The following KCND3 variants were observed in gnomAD, a reference collection of about 807,000 sequenced individuals.
KCND3 encodes potassium voltage-gated channel subfamily D member 3.
In KCND3, 9 loss-of-function variants were observed where a neutral mutation model predicts 51.1. The ratio of observed to expected loss-of-function variants is 0.18; its 90% CI spans 0.11 to 0.31. KCND3 has a LOEUF of 0.31. KCND3 is among the 10% of genes least tolerant of loss of function. The pLI is 1.00. For synonymous variants in KCND3, 349 were observed against 368.0 expected, an observed-to-expected ratio of 0.95 and a Z score of 0.59; for missense variants, 526 against 903.8, an observed-to-expected ratio of 0.58 and a Z score of 5.36.
At chr1:111,978,794 T>C (rs773690332) in intron 2 of KCND3, among the ~76,000 whole-genome samples, 6 of 152,118 alleles carry the variant, frequency 3.9e-5, no homozygotes, top group Non-Finnish European at 7.3e-5. Flanking sequence ...GGACTGAGAA[T>C]AGTATCAGGT....
intron 2 of KCND3, among the ~76,000 whole-genome samples, chr1:111,874,753 C>T (rs506768): frequency 0.047 from 7,125 of 152,218 alleles, 568 homozygotes; most frequent in African/African-American, 0.16. Context: ...GACACACACG[C>T]CTTTTCTTCT....
chr1:111,801,070 TC>T (rs1287052242), intron 2 of KCND3, among the ~76,000 whole-genome samples: 1 of 152,186 alleles, frequency 6.6e-6, no homozygotes, highest in Non-Finnish European at 1.5e-5. Context: ...AAAAGCCTTC[TC>T]CCCGGGGCTG....
intron 2 of KCND3, among the ~76,000 whole-genome samples, chr1:111,965,033 C>T (rs762210283): frequency 4.6e-5 from 7 of 152,164 alleles, no homozygotes; most frequent in African/African-American, 4.8e-5. Flanking sequence ...AGATTCGAAA[C>T]AGCATCTGCA....
chr1:111,918,313 G>A (rs1571848849), intron 2 of KCND3, among the ~76,000 whole-genome samples: 2 of 152,234 alleles, frequency 1.3e-5, no homozygotes, highest in African/African-American at 4.8e-5. Context: ...GGTGAGTGTA[G>A]GAGCAGAGCT....
chr1:111,866,123 T>C (rs1668553480), intron 2 of KCND3, among the ~76,000 whole-genome samples: 1 of 152,146 alleles, frequency 6.6e-6, no homozygotes, highest in Non-Finnish European at 1.5e-5. Context: ...AGTAGATTAT[T>C]TTTTAAGAGC....
rs931657073 is a variant in KCND3 at position 111,774,220 on chromosome 1, G to C, written c.*1857C>G. 4.6e-5 allele frequency: 7 copies of C among 152,270 alleles called. No individual in the cohort carries two copies. Among genetic ancestry groups the C allele is most frequent in the Non-Finnish European group, 7.3e-5 (5 of 68,106 alleles). 9.4% of individuals were successfully genotyped at this position (152,270 alleles called of 1,614,324 possible). A position where few individuals can be genotyped will look rare whatever the true frequency, so the allele number is the denominator to read the frequency against. On this transcript the variant is annotated 3_prime_UTR_variant, in exon 8 of 8. Coordinates refer to ENST00000302127, the MANE Select transcript of KCND3 (RefSeq NM_001378969.1). Reference sequence around the variant, plus strand: ...GGGAAGCCCACGAAGGGTGTTTTTAGGTTCCTGGCTAGTAAAACTCATTTA... The same window carrying C: ...GGGAAGCCCACGAAGGGTGTTTTTACGTTCCTGGCTAGTAAAACTCATTTA...
intron 2 of KCND3, among the ~76,000 whole-genome samples, chr1:111,815,144 C>A (rs917636240): frequency 2.0e-5 from 3 of 152,036 alleles, no homozygotes; most frequent in African/African-American, 4.8e-5. Context: ...GGTGGTAGAA[C>A]CTGGACTAGA....
chr1:111,777,355 GTC>G (rs1172287856), intron 6 of KCND3, 82 bp from the exon 7 acceptor site: 1 of 1,475,854 alleles, frequency 6.8e-7, no homozygotes, highest in East Asian at 2.3e-5. Flanking sequence ...ATGGCTGCCT[GTC>G]TCTGTTCTGG....
chr1:111,943,930 C>T (rs1386945964), intron 2 of KCND3, among the ~76,000 whole-genome samples: 2 of 152,212 alleles, frequency 1.3e-5, no homozygotes, highest in African/African-American at 4.8e-5. Flanking sequence ...AAGCTAAACC[C>T]AGCCGGGGCC....
Position 111,787,036 on chromosome 1 carries a change from G to C in KCND3, c.1177C>G (p.Leu393Val). 1 of 1,614,196 alleles carries C rather than the reference G, an allele frequency of 6.2e-7. No individual in the cohort carries two copies. The highest frequency in any genetic ancestry group is 8.5e-7 in the Non-Finnish European group (1 of 1,180,036). Residue 393 changes from leucine to valine, a missense_variant, in exon 3 of 8, where the codon CTG (leucine) becomes GTG (valine). Physicochemically the swap from Leu to Val is conservative, Grantham distance 32. Around this residue, in one of 5 missense-constraint regions of KCND3, gnomAD observed 48 missense variants for 228.5 expected, o/e 0.21. Coordinates refer to ENST00000302127, the MANE Select transcript of KCND3 (RefSeq NM_001378969.1). ...ACAGGGACTGGCAGGGCAATGACCAGGACGCCACTCAAGGAGCAGATGGAG... is the reference window on the plus strand; with the variant it reads ...ACAGGGACTGGCAGGGCAATGACCACGACGCCACTCAAGGAGCAGATGGAG... ...FGSICSLSGV[L>V]VIALPVPVIV...
At chr1:111,980,016 TG>T (rs1197524213) in intron 2 of KCND3, among the ~76,000 whole-genome samples, 1 of 151,578 alleles carries the variant, frequency 6.6e-6, no homozygotes, top group East Asian at 1.9e-4. Flanking sequence ...TTCAGGAAGG[TG>T]AAGGGATGGC....
intron 2 of KCND3, among the ~76,000 whole-genome samples, chr1:111,936,008 C>G (rs1231517767): frequency 6.6e-6 from 1 of 152,236 alleles, no homozygotes; most frequent in Admixed American, 6.5e-5. Context: ...CAAACCTGCT[C>G]TGTATAATTC....
chr1:111,961,014 G>A (rs1673622895), intron 2 of KCND3, among the ~76,000 whole-genome samples: 1 of 152,208 alleles, frequency 6.6e-6, no homozygotes, highest in African/African-American at 2.4e-5. Flanking sequence ...GCCTAGATAG[G>A]GGTAGCCTCG....
intron 2 of KCND3, among the ~76,000 whole-genome samples, chr1:111,802,722 G>A (rs1418824913): frequency 6.6e-6 from 1 of 152,096 alleles, no homozygotes; most frequent in Non-Finnish European, 1.5e-5. Flanking sequence ...GGACTAAATG[G>A]GTCCCCAACT....
At chr1:111,824,353 A>T (rs1490060791) in intron 2 of KCND3, among the ~76,000 whole-genome samples, 1 of 152,200 alleles carries the variant, frequency 6.6e-6, no homozygotes, top group Non-Finnish European at 1.5e-5. Flanking sequence ...TATGTCCCAG[A>T]TGCCCAAAGT....
intron 3 of KCND3, among the ~76,000 whole-genome samples, chr1:111,786,387 G>T (rs963766197): frequency 6.6e-6 from 1 of 152,188 alleles, no homozygotes; most frequent in Non-Finnish European, 1.5e-5. Flanking sequence ...CTTTCCCCAG[G>T]ACTGATGGTT....
chr1:111,930,165 T>C (rs573504671), intron 2 of KCND3, among the ~76,000 whole-genome samples: 2 of 152,116 alleles, frequency 1.3e-5, no homozygotes, highest in Non-Finnish European at 2.9e-5. Flanking sequence ...TTTTGTTTTT[T>C]TTTTTTCTAA....
At chr1:111,983,115 G>A (rs1675063963) in intron 1 of KCND3, among the ~76,000 whole-genome samples, 1 of 152,208 alleles carries the variant, frequency 6.6e-6, no homozygotes, top group African/African-American at 2.4e-5. Context: ...CAAGACGTGG[G>A]TAATAATCAG....
rs752774896 is a variant in KCND3 at position 111,780,326 on chromosome 1, A to G, written c.1372-12T>C. On this transcript the variant is annotated splice_polypyrimidine_tract_variant and intron_variant, in intron 4 of 7. Transcript: ENST00000302127. This position sits in a 1 kb window ranked among gnomAD's most constrained non-coding sequence, Gnocchi z 4.2. ...TCTTCTGGGGTGCCCTAGTAAAAAAAGAAGAGAGATTGAGTAAAAAGCTGG... is the reference window on the plus strand; with the variant it reads ...TCTTCTGGGGTGCCCTAGTAAAAAAGGAAGAGAGATTGAGTAAAAAGCTGG... The G allele has an allele frequency of 4.5e-6, 7 of 1,556,930 alleles. No individual in the cohort carries two copies. The highest frequency in any genetic ancestry group is 6.1e-6 in the Non-Finnish European group (7 of 1,149,250).
Sources: gnomAD v4.1 joint callset for allele counts (sites outside exome capture counted in the v4.1 genomes callset) on GRCh38, gnomAD v4.1.1 for gene constraint, gnomAD v4.1.1 regional missense constraint, Gnocchi (gnomAD v3.1) non-coding constraint, MANE v1.5 for transcripts, NCBI Gene and HGNC (gene_info 2026-07-23, HGNC 2026-07-21) for gene names.